The following KEL variants were observed in gnomAD, a reference collection of about 807,000 sequenced individuals.
KEL encodes kell blood group glycoprotein.
KEL carries 96 observed loss-of-function variants against 99.5 expected under a neutral mutation model. The observed-to-expected ratio is 0.97, with a 90% CI of 0.82 to 1.14. The LOEUF is 1.14. Ranked by LOEUF, KEL falls within the 50% of genes most tolerant of loss-of-function variation. The pLI is 0.00. For synonymous variants in KEL, 355 were observed against 354.8 expected, an observed-to-expected ratio of 1.00 and a Z score of -0.01; for missense variants, 926 against 924.2, an observed-to-expected ratio of 1.00 and a Z score of -0.03.
chr7:142,944,802 G>A, intron 11 of KEL, 61 bp from the exon 12 acceptor site: 1 of 1,317,824 alleles, frequency 7.6e-7, no homozygotes, highest in South Asian at 1.2e-5. Flanking sequence ...GCCTGGCCCT[G>A]CCCACAGCTT....
intron 10 of KEL, among the ~76,000 whole-genome samples, chr7:142,951,984 T>C (rs916658313): frequency 1.5e-4 from 23 of 152,024 alleles, no homozygotes; most frequent in African/African-American, 5.6e-4. Context: ...GTGAAGTGCA[T>C]TTTCTACCCA....
chr7:142,941,665 A>C (rs556376234), intron 18 of KEL, among the ~76,000 whole-genome samples: 43 of 152,092 alleles, frequency 2.8e-4, no homozygotes, highest in Admixed American at 7.9e-4. Context: ...CTCTGGGGTG[A>C]AGTCTAATCT....
Position 142,958,390 on chromosome 7 carries a change from T to TCTC in KEL, c.436_438dup (p.Glu146dup). On this transcript the variant is annotated inframe_insertion, in exon 5 of 19. Coordinates refer to ENST00000355265, the MANE Select transcript of KEL (RefSeq NM_000420.3). ...CAGGAGTTGTAGAACTGGAAGGCTT[T>TCTC]CTCCTCCCCAGAGCCTGGGTGCCAG... 1 of 1,614,148 alleles carries TCTC rather than the reference T, an allele frequency of 6.2e-7. No homozygotes were observed. Among genetic ancestry groups the TCTC allele is most frequent in the South Asian group, 1.1e-5 (1 of 91,080 alleles).
chr7:142,947,363 C>T (rs1796561035), intron 10 of KEL, among the ~76,000 whole-genome samples: 1 of 152,042 alleles, frequency 6.6e-6, no homozygotes, highest in Non-Finnish European at 1.5e-5. Context: ...CTAGGCTGGT[C>T]CTGGGAATGG....
In KEL at chr7:142,946,094, C is replaced by T. The variant is rs1381332895; in HGVS notation, c.1314+113G>A. On this transcript the variant is annotated intron_variant, in intron 11 of 18. Transcript: ENST00000355265. ...TCTCTCAGTGGCCCTTCTCTGACTG[C>T]CCAATTCCCCAATCACACACACCAC... 7.7e-6 allele frequency: 6 copies of T among 775,334 alleles called. No individual in the cohort carries two copies. The East Asian group carries it at 1.6e-4, about 21-fold the overall frequency. 48.0% of individuals were successfully genotyped at this position (775,334 alleles called of 1,614,324 possible). A position where few individuals can be genotyped will look rare whatever the true frequency, so the allele number is the denominator to read the frequency against.
chr7:142,954,662 TA>T, intron 6 of KEL, 135 bp from the exon 7 acceptor site: 1 of 814,374 alleles, frequency 1.2e-6, no homozygotes, highest in South Asian at 1.4e-5. Context: ...GAAGCAAGAG[TA>T]CAAAGAAAGG....
chr7:142,957,736 C>A, intron 6 of KEL, 91 bp downstream of exon 6: 2 of 1,527,282 alleles, frequency 1.3e-6, no homozygotes, highest in South Asian at 2.2e-5. Flanking sequence ...GGTGTCCTCT[C>A]TTCCCAACCT....
At position 142,953,875 on chromosome 7, in the gene KEL, C is replaced by T. The variant is rs374644780; in HGVS notation, c.1006G>A (p.Val336Met). ...TTCAAATATTCCACGTCATGGACCA[C>T]GAGGGACTGAGAAGGGCTCAGGGAC... Reference protein sequence around the residue: ...PMSLSPSQSLVVHDVEYLKNM... With the variant: ...PMSLSPSQSLMVHDVEYLKNM... Residue 336 changes from valine (V) to methionine (M), a missense_variant, in exon 9 of 19, where the codon GTG (valine) becomes ATG (methionine). Coordinates refer to ENST00000355265, the MANE Select transcript of KEL (RefSeq NM_000420.3). The T allele has an allele frequency of 3.3e-5, 53 of 1,613,992 alleles. 1 individual carries two copies. Among genetic ancestry groups the T allele is most frequent in the East Asian group, 6.7e-5 (3 of 44,886 alleles).
chr7:142,947,053 A>C (rs1796551864), intron 10 of KEL, among the ~76,000 whole-genome samples: 1 of 152,202 alleles, frequency 6.6e-6, no homozygotes, highest in Non-Finnish European at 1.5e-5. Flanking sequence ...AATGAGAAAC[A>C]GAAGAGACAG....
chr7:142,962,339 G>T lies in KEL; in HGVS notation c.-133C>A. The T allele has an allele frequency of 1.9e-6, 2 of 1,041,182 alleles. No homozygotes were observed. Among genetic ancestry groups the T allele is most frequent in the Non-Finnish European group, 3.0e-6 (2 of 669,466 alleles). The allele number at this position is 1,041,182 out of a possible 1,614,324, so 64.5% of individuals were successfully genotyped here. Reference sequence around the variant, plus strand: ...GAAGGGGCACTTCTGCTGCTCTTTCGCCTTGTCCCCAGACACACAGGACTG... The same window carrying T: ...GAAGGGGCACTTCTGCTGCTCTTTCTCCTTGTCCCCAGACACACAGGACTG... On this transcript the variant is annotated 5_prime_UTR_variant, in exon 1 of 19. Coordinates refer to ENST00000355265, the MANE Select transcript of KEL (RefSeq NM_000420.3).
chr7:142,953,691 T>C, intron 9 of KEL, 117 bp downstream of exon 9: 1 of 1,224,562 alleles, frequency 8.2e-7, no homozygotes, highest in South Asian at 1.2e-5. Context: ...GTTCCTCTTA[T>C]CCTCCTGGGA....
At chr7:142,949,649 G>C (rs952351958) in intron 10 of KEL, among the ~76,000 whole-genome samples, 2 of 152,172 alleles carry the variant, frequency 1.3e-5, no homozygotes, top group Admixed American at 1.3e-4. Context: ...ATAAATGTTT[G>C]TTACATAAAT....
At chr7:142,959,079 T>C (rs1413376845) in intron 4 of KEL, among the ~76,000 whole-genome samples, 1 of 152,234 alleles carries the variant, frequency 6.6e-6, no homozygotes, top group Non-Finnish European at 1.5e-5. Flanking sequence ...CCCAGCCACC[T>C]TGGGCACATG....
Position 142,961,075 on chromosome 7 carries a change from G to A in KEL, c.253C>T (p.Leu85Phe). 2 of 1,614,132 alleles carry A rather than the reference G, an allele frequency of 1.2e-6. No homozygotes were observed. Among genetic ancestry groups the A allele is most frequent in the South Asian group, 1.1e-5 (1 of 91,086 alleles). ...RPCETSVCLD[L>F]RDHYLASGNT... is the part of the protein sequence containing the mutation. ...CCAGAGGCCAGGTAATGATCCCGGA[G>A]ATCCAAACACACAGATGTCTCACAG... The change falls in exon 4 of 19, where the codon CTC becomes TTC. Residue 85 changes from leucine to phenylalanine, a missense_variant. Transcript: ENST00000355265.
chr7:142,942,175 C>A lies in KEL; in HGVS notation c.2037+259G>T, dbSNP rs1411583016. 1.1e-5 allele frequency: 6 copies of A among 562,714 alleles called. No individual in the cohort carries two copies. In the Admixed American group the frequency reaches 1.2e-4, roughly 11 times the overall value. The allele number at this position is 562,714 out of a possible 1,614,324, so 34.9% of individuals were successfully genotyped here. A position where few individuals can be genotyped will look rare whatever the true frequency, so the allele number is the denominator to read the frequency against. On this transcript the variant is annotated intron_variant, in intron 18 of 18. Coordinates refer to ENST00000355265, the MANE Select transcript of KEL (RefSeq NM_000420.3). ...AGGAAAAAAAAGTTGGTCTCCTCCTCTCCTGGAGGAACTTGGGAATAGAGT... is the reference window on the plus strand; with the variant it reads ...AGGAAAAAAAAGTTGGTCTCCTCCTATCCTGGAGGAACTTGGGAATAGAGT...
At chr7:142,942,160 A>T in intron 18 of KEL, 1 of 530,522 alleles carries the variant, frequency 1.9e-6, no homozygotes, top group South Asian at 2.4e-5. Flanking sequence ...AGGAAAAAAA[A>T]GTTGGTCTCC....
chr7:142,955,579 T>G (rs980746348), intron 6 of KEL, among the ~76,000 whole-genome samples: 2 of 152,202 alleles, frequency 1.3e-5, no homozygotes, highest in African/African-American at 4.8e-5. Flanking sequence ...GGGACCTTCT[T>G]AAATTAGCAC....
chr7:142,951,815 C>T (rs1389024594), intron 10 of KEL, among the ~76,000 whole-genome samples: 1 of 152,082 alleles, frequency 6.6e-6, no homozygotes, highest in Non-Finnish European at 1.5e-5. Context: ...GAAAAAAAAT[C>T]CAGTGATTTT....
At chr7:142,943,230 CT>C in intron 16 of KEL, 45 bp downstream of exon 16, 1 of 1,605,328 alleles carries the variant, frequency 6.2e-7, no homozygotes, top group Admixed American at 1.7e-5. Context: ...GTGGTCTTCC[CT>C]TAGGTTCCCT....
Sources: gnomAD v4.1 joint callset for allele counts (sites outside exome capture counted in the v4.1 genomes callset) on GRCh38, gnomAD v4.1.1 for gene constraint, MANE v1.5 for transcripts, NCBI Gene and HGNC (gene_info 2026-07-23, HGNC 2026-07-21) for gene names.